Variants in RGS5 observed in about 807,000 individuals in gnomAD.
RGS5 encodes the protein regulator of G protein signaling 5, also known as regulator of G-protein signalling 5.
A neutral mutation model predicts 18.9 loss-of-function variants in RGS5; 20 were observed. The ratio of observed to expected loss-of-function variants is 1.06; its 90% CI spans 0.74 to 1.54. The LOEUF (loss-of-function observed/expected upper bound fraction) is 1.54, where lower values mean the gene tolerates loss of function less well. Ranked by LOEUF, RGS5 falls within the 40% of genes most tolerant of loss-of-function variation. RGS5 has a pLI of 0.00. For missense variants in RGS5, 201 were observed against 211.8 expected (o/e 0.95, Z 0.32); for synonymous variants, 57 against 76.2 (o/e 0.75, Z 1.31).
At chr1:163,286,851 T>C (rs1649158734) in intron 2 of RGS5, among the ~76,000 whole-genome samples, 1 of 152,154 alleles carries the variant, frequency 6.6e-6, no homozygotes, top group Non-Finnish European at 1.5e-5. Flanking sequence ...GAGGGGATAA[T>C]GTTATTCTAT....
rs780950017 is a variant in RGS5 at position 163,299,796 on chromosome 1, G to A, written c.-281+6437C>T. On this transcript the variant is annotated intron_variant, in intron 2 of 5. Transcript: ENST00000618415. The stretch of plus-strand genomic sequence containing the variant: ...AGTTTCTGAGGAAAAAAATCATTTC[G>A]ATCAAGTAGATATTATTCTTTCCTG... 5.9e-5 allele frequency among the ~76,000 whole-genome samples: 9 copies of A among 152,180 alleles called. No individual in the cohort carries two copies. The South Asian group carries it at 6.2e-4, about 11-fold the overall frequency.
Position 163,264,221 on chromosome 1 carries a change from A to G in RGS5, c.-281+42012T>C, listed in dbSNP as rs545018104. ...GGGGTACGATTTCATCTCAGCTAAGATAGTATGTTATCCTGGAAAGAACAT... is the reference window on the plus strand; with the variant it reads ...GGGGTACGATTTCATCTCAGCTAAGGTAGTATGTTATCCTGGAAAGAACAT... On this transcript the variant is annotated intron_variant, in intron 2 of 5. Coordinates refer to the RGS5 transcript ENST00000618415. 5.9e-5 allele frequency among the ~76,000 whole-genome samples: 9 copies of G among 152,196 alleles called. No individual in the cohort carries two copies. In the East Asian group the frequency reaches 1.7e-3, roughly 29 times the overall value.
intron 1 of RGS5, among the ~76,000 whole-genome samples, chr1:163,208,518 TAA>T (rs55700806): frequency 2.8e-4 from 4 of 14,464 alleles, no homozygotes; most frequent in East Asian, 8.4e-3. Context: ...CCACCTCCAT[TAA>T]AAAAAAAAAA....
intron 3 of RGS5, among the ~76,000 whole-genome samples, chr1:163,153,324 C>A (rs183177659): frequency 2.0e-5 from 3 of 151,998 alleles, no homozygotes; most frequent in African/African-American, 7.2e-5. Context: ...AATGAAGAAA[C>A]AGAAGAAACA....
At position 163,186,255 on chromosome 1, in the gene RGS5, G is replaced by A. The variant is rs1182190341; in HGVS notation, c.44+16537C>T. Among the ~76,000 whole-genome samples the A allele has an allele frequency of 2.6e-5, 4 of 151,974 alleles. No individual in the cohort carries two copies. The East Asian group carries it at 7.8e-4, about 29-fold the overall frequency. On this transcript the variant is annotated intron_variant, in intron 1 of 4. Coordinates refer to ENST00000313961, the MANE Select transcript of RGS5 (RefSeq NM_003617.4). Reference sequence around the variant, plus strand: ...CTGGCTAATTTTTGTATTTTTAGTAGAGACGGGGTTTCACCATGTTGGTCA... The same window carrying A: ...CTGGCTAATTTTTGTATTTTTAGTAAAGACGGGGTTTCACCATGTTGGTCA...
In RGS5 at chr1:163,245,335, T is replaced by C. The variant is rs186472727; in HGVS notation, c.-281+60898A>G. ...AGCTCACATACTTGTACAAGAACAC[T>C]TGCCCAGAATTATCTTTTCCCCATG... On this transcript the variant is annotated intron_variant, in intron 2 of 5. Coordinates refer to the RGS5 transcript ENST00000618415. Among the ~76,000 whole-genome samples, 740 of 148,222 alleles carry C rather than the reference T, an allele frequency of 5.0e-3. 4 individuals are homozygous for C. Among genetic ancestry groups the C allele is most frequent in the African/African-American group, 0.017 (696 of 41,290 alleles).
chr1:163,203,938 G>A (rs937169183), upstream of RGS5, among the ~76,000 whole-genome samples: 1 of 151,940 alleles, frequency 6.6e-6, no homozygotes, highest in Admixed American at 6.6e-5. Context: ...ATGAGTCCAA[G>A]CTTTAAAAAA....
chr1:163,296,751 A>G (rs11578654), intron 2 of RGS5, among the ~76,000 whole-genome samples: 63,243 of 151,950 alleles, frequency 0.42, 13,654 homozygotes, highest in South Asian at 0.5. Context: ...TCTTGGGAAA[A>G]TTTTAAACAG....
intron 2 of RGS5, among the ~76,000 whole-genome samples, chr1:163,285,008 G>C (rs1240566005): frequency 6.6e-6 from 1 of 152,120 alleles, no homozygotes; most frequent in Non-Finnish European, 1.5e-5. Context: ...GAAAGAATGA[G>C]AGCCAAGTGA....
intron 1 of RGS5, among the ~76,000 whole-genome samples, chr1:163,179,576 C>T (rs750469862): frequency 2.6e-4 from 39 of 152,084 alleles, no homozygotes; most frequent in Non-Finnish European, 1.0e-4. Flanking sequence ...AACAGTACAA[C>T]AGGAAAAGAT....
intron 2 of RGS5, among the ~76,000 whole-genome samples, chr1:163,163,749 T>C (rs1657910926): frequency 6.6e-6 from 1 of 152,192 alleles, no homozygotes; most frequent in Non-Finnish European, 1.5e-5. Flanking sequence ...CCCTATTCAT[T>C]GTTGACAGAA....
chr1:163,182,055 A>T, intron 1 of RGS5, among the ~76,000 whole-genome samples: 1 of 152,234 alleles, frequency 6.6e-6, no homozygotes, highest in Middle Eastern at 3.4e-3. Flanking sequence ...TACTCAATAA[A>T]TGTTACCTAT....
intron 2 of RGS5, among the ~76,000 whole-genome samples, chr1:163,274,908 C>T (rs571102064): frequency 5.3e-5 from 8 of 152,206 alleles, no homozygotes; most frequent in Non-Finnish European, 1.0e-4. Context: ...CTTGAGCCAA[C>T]GAGTTCAAGA....
intron 2 of RGS5, among the ~76,000 whole-genome samples, chr1:163,285,201 C>T (rs892491006): frequency 1.3e-5 from 2 of 152,266 alleles, no homozygotes; most frequent in South Asian, 4.2e-4. Context: ...CAAACCATAT[C>T]AGTAAATTAT....
At chr1:163,240,206 C>A (rs1647751972) in intron 2 of RGS5, among the ~76,000 whole-genome samples, 1 of 151,550 alleles carries the variant, frequency 6.6e-6, no homozygotes, top group Non-Finnish European at 1.5e-5. Flanking sequence ...AGAATCCATT[C>A]AAATGAATTC....
At chr1:163,156,128 A>T (rs545688240) in intron 3 of RGS5, among the ~76,000 whole-genome samples, 2 of 152,208 alleles carry the variant, frequency 1.3e-5, no homozygotes, top group Non-Finnish European at 2.9e-5. Context: ...ATAAAAATGA[A>T]GTCATTGATA....
At chr1:163,230,707 A>C (rs1184407316) in intron 2 of RGS5, among the ~76,000 whole-genome samples, 1 of 152,248 alleles carries the variant, frequency 6.6e-6, no homozygotes, top group East Asian at 1.9e-4. Context: ...AAAGGATAAA[A>C]GATTTATAAC....
At chr1:163,232,971 T>C (rs1647522345) in intron 2 of RGS5, among the ~76,000 whole-genome samples, 1 of 152,242 alleles carries the variant, frequency 6.6e-6, no homozygotes, top group South Asian at 2.1e-4. Flanking sequence ...TCACATTTTA[T>C]GTCTTCTATG....
chr1:163,147,573 G>A, intron 4 of RGS5, 70 bp from the exon 5 acceptor site: 1 of 1,317,178 alleles, frequency 7.6e-7, no homozygotes, highest in Non-Finnish European at 1.0e-6. Context: ...GAAGAGGGAG[G>A]TGGAATTTCT....
Sources: allele counts gnomAD v4.1 joint callset (sites outside exome capture counted in the v4.1 genomes callset), GRCh38; gene constraint gnomAD v4.1.1; transcripts MANE v1.5; gene names NCBI Gene and HGNC (gene_info 2026-07-23, HGNC 2026-07-21).